FGGY: variants seen among roughly 807,000 people sequenced by gnomAD.
FGGY encodes FGGY carbohydrate kinase domain containing.
A neutral mutation model predicts 71.3 loss-of-function variants in FGGY; 72 were observed. The ratio of observed to expected loss-of-function variants is 1.01; its 90% CI spans 0.84 to 1.23. The LOEUF (loss-of-function observed/expected upper bound fraction) is 1.23. Ranked by LOEUF, FGGY falls within the 50% of genes most tolerant of loss-of-function variation. FGGY has a pLI of 0.00. For synonymous variants in FGGY, 251 were observed against 250.3 expected, an observed-to-expected ratio of 1.00 and a Z score of -0.02; for missense variants, 668 against 682.3, an observed-to-expected ratio of 0.98 and a Z score of 0.23.
intron 4 of FGGY, among the ~76,000 whole-genome samples, chr1:59,356,691 A>T (rs961158729): frequency 3.9e-5 from 6 of 152,210 alleles, no homozygotes; most frequent in Admixed American, 2.0e-4. Context: ...CAATCATTTC[A>T]TTCCAAACTA....
chr1:59,496,934 T>C (rs682647), intron 6 of FGGY, among the ~76,000 whole-genome samples: 76,735 of 151,970 alleles, frequency 0.5, 19,902 homozygotes, highest in African/African-American at 0.62. Context: ...TTAACATCTT[T>C]TTAAACTCCT....
At chr1:59,576,205 A>T (rs986436449) in intron 8 of FGGY, among the ~76,000 whole-genome samples, 2 of 152,176 alleles carry the variant, frequency 1.3e-5, no homozygotes, top group Admixed American at 6.5e-5. Flanking sequence ...TTTACCATGG[A>T]ATACTATGCA....
intron 5 of FGGY, among the ~76,000 whole-genome samples, chr1:59,439,385 T>G (rs921587392): frequency 3.3e-5 from 5 of 152,152 alleles, no homozygotes; most frequent in Non-Finnish European, 5.9e-5. Context: ...GACTGAAGAG[T>G]TTGGCTTTAT....
At chr1:59,374,344 C>G (rs2058268532) in intron 4 of FGGY, among the ~76,000 whole-genome samples, 1 of 152,188 alleles carries the variant, frequency 6.6e-6, no homozygotes, top group South Asian at 2.1e-4. Context: ...CAAATCAAAA[C>G]CACAATGAGA....
At chr1:59,707,561 G>T (rs1377097828) in intron 14 of FGGY, among the ~76,000 whole-genome samples, 1 of 152,222 alleles carries the variant, frequency 6.6e-6, no homozygotes, top group Non-Finnish European at 1.5e-5. Context: ...TGTACCCTGT[G>T]TACTAGGCTG....
At chr1:59,315,439 T>C (rs138828080) in intron 1 of FGGY, among the ~76,000 whole-genome samples, 213 of 151,054 alleles carry the variant, frequency 1.4e-3, no homozygotes, top group African/African-American at 5.1e-3. Flanking sequence ...TTCCCTTTTT[T>C]CCCTCTCCCC....
chr1:59,530,234 A>G (rs2095103747), intron 7 of FGGY, among the ~76,000 whole-genome samples: 1 of 152,244 alleles, frequency 6.6e-6, no homozygotes, highest in Non-Finnish European at 1.5e-5. Flanking sequence ...GTAGGAAAGT[A>G]CAAGGATTAT....
intron 5 of FGGY, among the ~76,000 whole-genome samples, chr1:59,403,742 G>A (rs957585907): frequency 6.6e-5 from 10 of 152,316 alleles, no homozygotes; most frequent in African/African-American, 1.4e-4. Flanking sequence ...AAGTCCTCAC[G>A]TGCTTTACTC....
intron 5 of FGGY, among the ~76,000 whole-genome samples, chr1:59,406,393 T>C (rs2062759885): frequency 6.6e-6 from 1 of 152,100 alleles, no homozygotes; most frequent in Admixed American, 6.6e-5. Flanking sequence ...TGTTGGCGAT[T>C]TCACCATTTA....
intron 9 of FGGY, among the ~76,000 whole-genome samples, chr1:59,617,393 T>C (rs955107683): frequency 6.6e-6 from 1 of 152,098 alleles, no homozygotes; most frequent in Admixed American, 6.6e-5. Context: ...TCTAAGTATG[T>C]GAATAGATTT....
chr1:59,429,481 G>A (rs79072135), intron 5 of FGGY, among the ~76,000 whole-genome samples: 3,187 of 152,178 alleles, frequency 0.021, 92 homozygotes, highest in South Asian at 0.11. Flanking sequence ...GATCAAAACC[G>A]ACATGAAAAT....
intron 4 of FGGY, among the ~76,000 whole-genome samples, chr1:59,356,599 A>G (rs1458023233): frequency 6.6e-6 from 1 of 152,192 alleles, no homozygotes; most frequent in Non-Finnish European, 1.5e-5. Flanking sequence ...ATAACTTATT[A>G]TATATTTTGA....
At chr1:59,703,510 A>G (rs1009833061) in intron 14 of FGGY, among the ~76,000 whole-genome samples, 8 of 152,210 alleles carry the variant, frequency 5.3e-5, no homozygotes, top group Admixed American at 2.0e-4. Flanking sequence ...TGTTCTTTCC[A>G]CCATGTCACC....
At chr1:59,370,986 A>C (rs2057515591) in intron 4 of FGGY, among the ~76,000 whole-genome samples, 1 of 152,010 alleles carries the variant, frequency 6.6e-6, no homozygotes. Flanking sequence ...GACTAGGAAG[A>C]AACTGCATCA....
chr1:59,607,701 A>G, intron 8 of FGGY, 102 bp from the exon 9 acceptor site: 1 of 850,306 alleles, frequency 1.2e-6, no homozygotes, highest in Non-Finnish European at 1.8e-6. Context: ...AAAGGCATTC[A>G]ATAAGAAGCT....
intron 10 of FGGY, among the ~76,000 whole-genome samples, chr1:59,630,335 T>A (rs2096897208): frequency 6.6e-6 from 1 of 151,996 alleles, no homozygotes; most frequent in Admixed American, 6.5e-5. Flanking sequence ...AGGAGGAAGT[T>A]TGGTGGTGGT....
At chr1:59,537,467 T>A (rs1049574664) in intron 7 of FGGY, among the ~76,000 whole-genome samples, 33 of 152,132 alleles carry the variant, frequency 2.2e-4, no homozygotes, top group African/African-American at 7.0e-4. Flanking sequence ...AAGCTACCAA[T>A]GACTTTCTTC....
intron 2 of FGGY, chr1:59,331,790 A>G (rs2153174441): frequency 6.6e-6 from 1 of 152,236 alleles, no homozygotes; most frequent in East Asian, 1.9e-4. Context: ...GGGCTTGATT[A>G]TTTTCGCTAA....
chr1:59,522,442 C>G (rs1038905219), intron 7 of FGGY, among the ~76,000 whole-genome samples: 2 of 152,084 alleles, frequency 1.3e-5, no homozygotes, highest in Non-Finnish European at 2.9e-5. Context: ...GGAGAAGTGA[C>G]TCTAATAAAG....
Sources: gnomAD v4.1 joint callset for allele counts (sites outside exome capture counted in the v4.1 genomes callset) on GRCh38, gnomAD v4.1.1 for gene constraint, MANE v1.5 for transcripts, NCBI Gene and HGNC (gene_info 2026-07-23, HGNC 2026-07-21) for gene names.